The following SMURF2 variants were observed in gnomAD, a reference collection of about 807,000 sequenced individuals.
SMURF2 encodes the protein SMAD specific E3 ubiquitin protein ligase 2, also known as E3 ubiquitin-protein ligase SMURF2.
A neutral mutation model predicts 109.6 loss-of-function variants in SMURF2; 48 were observed. That is an observed-to-expected ratio of 0.44 (90% confidence interval 0.35 to 0.56). SMURF2 has a LOEUF of 0.56. SMURF2 is among the 20% of genes least tolerant of loss of function. The pLI, the probability that SMURF2 is intolerant of heterozygous loss-of-function variation, is 0.01. For synonymous variants in SMURF2, 288 were observed against 317.1 expected (o/e 0.91, Z 0.97); for missense variants, 575 against 909.0 (o/e 0.63, Z 4.72).
chr17:64,649,023 A>C (rs1598315969), intron 1 of SMURF2, among the ~76,000 whole-genome samples: 1 of 152,328 alleles, frequency 6.6e-6, no homozygotes, highest in African/African-American at 2.4e-5. Context: ...CTGGAGGAAG[A>C]AAGTTACATG....
At chr17:64,627,208 G>A (rs1006115488) in intron 1 of SMURF2, among the ~76,000 whole-genome samples, 20 of 142,648 alleles carry the variant, frequency 1.4e-4, no homozygotes, top group Non-Finnish European at 2.2e-4. Flanking sequence ...TCCACCTCCC[G>A]GGTTCAAGTG....
At chr17:64,660,983 A>AT (rs1970766860) in intron 1 of SMURF2, 1 of 152,186 alleles carries the variant, frequency 6.6e-6, no homozygotes, top group South Asian at 2.1e-4. Flanking sequence ...CCCTCCGGAC[A>AT]TTCTTTTCCA....
At position 64,638,592 on chromosome 17, in the gene SMURF2, C is replaced by T. The variant is rs149376531; in HGVS notation, c.52+23237G>A. Among the ~76,000 whole-genome samples, 813 of 152,318 alleles carry T rather than the reference C, an allele frequency of 5.3e-3. 3 individuals carry two copies. The highest frequency in any genetic ancestry group is 0.01 in the Middle Eastern group (3 of 294). ...ATCAACTTTTAGGACTATGGTCAAACCTGGGAAAATTCTTAACAAGTCTCT... is the reference window on the plus strand; with the variant it reads ...ATCAACTTTTAGGACTATGGTCAAATCTGGGAAAATTCTTAACAAGTCTCT... On this transcript the variant is annotated intron_variant, in intron 1 of 18. Transcript: ENST00000262435.
chr17:64,607,623 CAAAA>C (rs59894966), intron 1 of SMURF2, among the ~76,000 whole-genome samples: 1 of 99,872 alleles, frequency 1.0e-5, no homozygotes, highest in African/African-American at 3.4e-5. Context: ...AAGACTGTCT[CAAAA>C]AAAAAAAAAA....
chr17:64,566,561 G>GTTTGTTTTTTTTTTTTTTTTTTTTT (rs1969305868), intron 10 of SMURF2, among the ~76,000 whole-genome samples: 3 of 43,784 alleles, frequency 6.9e-5, no homozygotes, highest in African/African-American at 2.3e-4. Context: ...AAGCTTTCTG[G>GTTTGTTTTTTTTTTTTTTTTTTTTT]TTTTTTTTTT....
intron 1 of SMURF2, among the ~76,000 whole-genome samples, chr17:64,634,767 AAAG>A (rs1555691927): frequency 6.6e-6 from 1 of 152,176 alleles, no homozygotes; most frequent in Non-Finnish European, 1.5e-5. Context: ...TCAAGCTTAA[AAAG>A]AAGACACAGT....
At chr17:64,654,044 G>C (rs1256282055) in intron 1 of SMURF2, among the ~76,000 whole-genome samples, 3 of 152,132 alleles carry the variant, frequency 2.0e-5, no homozygotes, top group Admixed American at 1.3e-4. Context: ...ACCGAAAACA[G>C]ATCAGTGGTT....
intron 1 of SMURF2, among the ~76,000 whole-genome samples, chr17:64,640,936 A>T (rs540743273): frequency 1.3e-5 from 2 of 151,720 alleles, no homozygotes; most frequent in East Asian, 3.9e-4. Flanking sequence ...AAAAAGAAAA[A>T]AGAAAAAAAA....
At chr17:64,646,283 A>G (rs1385776603) in intron 1 of SMURF2, among the ~76,000 whole-genome samples, 1 of 151,546 alleles carries the variant, frequency 6.6e-6, no homozygotes, top group African/African-American at 2.4e-5. Context: ...CCAGGCTGGT[A>G]TTGAACTCCT....
intron 1 of SMURF2, among the ~76,000 whole-genome samples, chr17:64,661,425 C>A (rs1970773750): frequency 6.6e-6 from 1 of 152,128 alleles, no homozygotes; most frequent in South Asian, 2.1e-4. Context: ...GTGTTTACTG[C>A]GCGCAGTCAG....
rs202161961 is a variant in SMURF2, at chr17:64,551,698, A to G, written c.1755T>C (p.Tyr585=). The G allele has an allele frequency of 6.2e-7, 1 of 1,613,996 alleles. No individual in the cohort carries two copies. Among genetic ancestry groups the G allele is most frequent in the East Asian group, 2.2e-5 (1 of 44,862 alleles). Residue 585 remains tyrosine (Y), a synonymous_variant, in exon 16 of 19, where the codon TAT becomes TAC. Coordinates refer to ENST00000262435, the MANE Select transcript of SMURF2 (RefSeq NM_022739.4). ...EENKKEYVRL[Y]VNWRFLRGIE... ...TGCCTCGTAAAAATCTCCAGTTCAC[A>G]TAGAGCCTGTAAACATTCGGCAGGA... is the stretch of plus-strand genomic sequence containing the variant.
intron 10 of SMURF2, among the ~76,000 whole-genome samples, chr17:64,565,960 A>T (rs1969294603): frequency 6.6e-6 from 1 of 152,202 alleles, no homozygotes; most frequent in Non-Finnish European, 1.5e-5. Flanking sequence ...TTGCAATATA[A>T]TTTATATTCT....
At chr17:64,639,345 G>A (rs1344548837) in intron 1 of SMURF2, among the ~76,000 whole-genome samples, 4 of 152,114 alleles carry the variant, frequency 2.6e-5, no homozygotes, top group Non-Finnish European at 5.9e-5. Context: ...GGGAGGCTGA[G>A]GTGAGTGGAT....
chr17:64,576,503 A>C lies in SMURF2; in HGVS notation c.857+1989T>G, dbSNP rs552303718. 2.6e-5 allele frequency among the ~76,000 whole-genome samples: 4 copies of C among 151,818 alleles called. No homozygotes were observed. In the East Asian group the frequency reaches 7.8e-4, roughly 29 times the overall value. ...ACATGGCAAAATCCCGTCTCTACTA[A>C]AAATACAAAAATTAGCTGGGTATGG... On this transcript the variant is annotated intron_variant, in intron 9 of 18. Transcript: ENST00000262435.
chr17:64,582,222 A>C (rs1220698402), intron 7 of SMURF2, among the ~76,000 whole-genome samples: 1 of 152,214 alleles, frequency 6.6e-6, no homozygotes, highest in Admixed American at 6.5e-5. Context: ...TGTAAAAGAG[A>C]AAACCTTGTG....
At chr17:64,657,224 A>G (rs1480992970) in intron 1 of SMURF2, among the ~76,000 whole-genome samples, 1 of 152,204 alleles carries the variant, frequency 6.6e-6, no homozygotes, top group East Asian at 1.9e-4. Context: ...CAGGTCAGGG[A>G]AAGTTCTAGG....
chr17:64,553,165 AG>A, intron 15 of SMURF2, among the ~76,000 whole-genome samples: 1 of 152,114 alleles, frequency 6.6e-6, no homozygotes, highest in Non-Finnish European at 1.5e-5. Flanking sequence ...CCCTCATCCT[AG>A]GCAAAAACTT....
intron 16 of SMURF2, among the ~76,000 whole-genome samples, chr17:64,550,259 A>G (rs934555030): frequency 6.6e-6 from 1 of 152,226 alleles, no homozygotes; most frequent in East Asian, 1.9e-4. Context: ...AAGGCATTGA[A>G]TAAAATCATG....
At chr17:64,656,938 C>T (rs1970713978) in intron 1 of SMURF2, among the ~76,000 whole-genome samples, 1 of 152,142 alleles carries the variant, frequency 6.6e-6, no homozygotes, top group South Asian at 2.1e-4. Context: ...TCTTGGCAAA[C>T]TACAGTAAGG....
Sources: gnomAD v4.1 joint callset for allele counts (sites outside exome capture counted in the v4.1 genomes callset) on GRCh38, gnomAD v4.1.1 for gene constraint, MANE v1.5 for transcripts, NCBI Gene and HGNC (gene_info 2026-07-23, HGNC 2026-07-21) for gene names.